NDST4: variants seen among roughly 807,000 people sequenced by gnomAD.
The protein encoded by NDST4 is N-heparan sulfate sulfotransferase 4.
A neutral mutation model predicts 100.8 loss-of-function variants in NDST4; 63 were observed. The observed-to-expected ratio is 0.62, with a 90% CI of 0.51 to 0.77. The LOEUF (loss-of-function observed/expected upper bound fraction) is 0.77, where lower values mean the gene tolerates loss of function less well. Ranked by LOEUF, NDST4 falls within the 30% of genes least tolerant of loss-of-function variation. The pLI, the probability that NDST4 is intolerant of heterozygous loss-of-function variation, is 0.00. For synonymous variants in NDST4, 377 were observed against 361.8 expected, an observed-to-expected ratio of 1.04 and a Z score of -0.48; for missense variants, 943 against 1,018.4, an observed-to-expected ratio of 0.93 and a Z score of 1.01.
intron 2 of NDST4, among the ~76,000 whole-genome samples, chr4:115,002,131 GTTC>G (rs1404288526): frequency 1.3e-5 from 2 of 152,168 alleles, no homozygotes; most frequent in Non-Finnish European, 2.9e-5. Flanking sequence ...GTGTAAAAGG[GTTC>G]TTATTTCTCC....
At chr4:114,949,419 A>G (rs1024685999) in intron 4 of NDST4, among the ~76,000 whole-genome samples, 1 of 152,066 alleles carries the variant, frequency 6.6e-6, no homozygotes, top group African/African-American at 2.4e-5. Flanking sequence ...CCCCAAAAAC[A>G]GTAAACTGAA....
intron 6 of NDST4, among the ~76,000 whole-genome samples, chr4:114,903,332 G>T (rs1239515059): frequency 2.6e-5 from 4 of 152,080 alleles, no homozygotes; most frequent in Admixed American, 1.3e-4. Context: ...ATAGCAGAGA[G>T]AATTATTTTT....
intron 4 of NDST4, among the ~76,000 whole-genome samples, chr4:114,953,706 A>G (rs559823660): frequency 6.6e-6 from 1 of 152,304 alleles, no homozygotes; most frequent in East Asian, 1.9e-4. Context: ...GAATAAAACA[A>G]TAAATAACTC....
chr4:114,933,432 C>CTTTTTTTTTTTTTTTTTCCTTT (rs1725555563), intron 6 of NDST4, among the ~76,000 whole-genome samples: 24 of 89,242 alleles, frequency 2.7e-4, no homozygotes, highest in Admixed American at 4.0e-4. Flanking sequence ...TTTTCTTTTC[C>CTTTTTTTTTTTTTTTTTCCTTT]TTTTTTTTTT....
chr4:114,945,501 A>G (rs1725843188), intron 4 of NDST4, among the ~76,000 whole-genome samples: 1 of 152,194 alleles, frequency 6.6e-6, no homozygotes, highest in African/African-American at 2.4e-5. Flanking sequence ...GTATTTGATA[A>G]ATAATTTTAA....
At chr4:114,834,513 CAAAA>C (rs869097688) in intron 11 of NDST4, among the ~76,000 whole-genome samples, 1 of 63,848 alleles carries the variant, frequency 1.6e-5, no homozygotes, top group African/African-American at 4.6e-5. Context: ...GACTCCATCT[CAAAA>C]AAAAAAAAAA....
intron 4 of NDST4, among the ~76,000 whole-genome samples, chr4:114,945,415 G>A (rs1725840769): frequency 6.6e-6 from 1 of 151,910 alleles, no homozygotes; most frequent in African/African-American, 2.4e-5. Flanking sequence ...CAGGAACTAT[G>A]GCTTGTAAAA....
At chr4:115,034,116 T>A (rs1212705887) in intron 2 of NDST4, among the ~76,000 whole-genome samples, 1 of 152,128 alleles carries the variant, frequency 6.6e-6, no homozygotes, top group Non-Finnish European at 1.5e-5. Flanking sequence ...CTCCTTCTTA[T>A]GGGGACCACA....
At chr4:114,839,264 G>T in intron 11 of NDST4, 114 bp downstream of exon 11, 1 of 941,956 alleles carries the variant, frequency 1.1e-6, no homozygotes, top group Non-Finnish European at 1.5e-6. Context: ...CTGCTTGTCA[G>T]TGCAATACAA....
At chr4:114,917,612 TA>T (rs1470193466) in intron 6 of NDST4, among the ~76,000 whole-genome samples, 3 of 151,922 alleles carry the variant, frequency 2.0e-5, no homozygotes, top group Non-Finnish European at 4.4e-5. Flanking sequence ...ACCCTGTCTC[TA>T]AAAAAATAAA....
At position 114,998,075 on chromosome 4, in the gene NDST4, ACTGGATTCCTATACTT is replaced by A. The variant is rs1282611094; in HGVS notation, c.979-20817_979-20802del. On this transcript the variant is annotated intron_variant, in intron 2 of 13. Coordinates refer to ENST00000264363, the MANE Select transcript of NDST4 (RefSeq NM_022569.3). ...GGCTAATGGAATCATTTTGCTTTAT[ACTGGATTCCTATACTT>A]AGAGGACCTAAGGATTAATCACTTC... 2.0e-5 allele frequency among the ~76,000 whole-genome samples: 3 copies of A among 152,154 alleles called. No individual in the cohort carries two copies. In the East Asian group the frequency reaches 5.8e-4, roughly 29 times the overall value.
In NDST4 at chr4:114,830,658, G is replaced by A. The variant is rs151294660; in HGVS notation, c.2397-766C>T. 2.1e-3 allele frequency among the ~76,000 whole-genome samples: 318 copies of A among 152,264 alleles called. 4 individuals are homozygous for A. Among genetic ancestry groups the A allele is most frequent in the Non-Finnish European group, 3.4e-4 (23 of 68,012 alleles). The stretch of plus-strand genomic sequence containing the variant: ...TTAGGACTAACAGGAGAGGAAAAAC[G>A]GAAGAATGAACCAAATAGGAAGGGA... On this transcript the variant is annotated intron_variant, in intron 12 of 13. Coordinates refer to ENST00000264363, the MANE Select transcript of NDST4 (RefSeq NM_022569.3).
rs191791610 is a variant in NDST4 at position 114,976,612 on chromosome 4, G to A, written c.1066+575C>T. On this transcript the variant is annotated intron_variant, in intron 3 of 13. Coordinates refer to ENST00000264363, the MANE Select transcript of NDST4 (RefSeq NM_022569.3). ...ATAAGTACAATTGTGGCTGGATAGAGATGGAAAGAAATACAAGTCTAATTG... is the reference window on the plus strand; with the variant it reads ...ATAAGTACAATTGTGGCTGGATAGAAATGGAAAGAAATACAAGTCTAATTG... 4.0e-3 allele frequency among the ~76,000 whole-genome samples: 602 copies of A among 152,046 alleles called. 1 individual carries two copies. The highest frequency in any genetic ancestry group is 6.5e-3 in the Non-Finnish European group (441 of 67,860).
At chr4:114,919,511 G>A (rs1023605995) in intron 6 of NDST4, among the ~76,000 whole-genome samples, 1 of 152,130 alleles carries the variant, frequency 6.6e-6, no homozygotes, top group Non-Finnish European at 1.5e-5. Flanking sequence ...AAGCCCTGAG[G>A]GACAAACAAT....
chr4:114,854,292 G>A (rs76829534), intron 7 of NDST4, among the ~76,000 whole-genome samples: 3,029 of 152,216 alleles, frequency 0.02, 131 homozygotes, highest in South Asian at 0.17. Context: ...CCATGGTGTT[G>A]AAAATGACAA....
At chr4:114,920,297 T>C (rs377632935) in intron 6 of NDST4, among the ~76,000 whole-genome samples, 1 of 152,132 alleles carries the variant, frequency 6.6e-6, no homozygotes, top group Non-Finnish European at 1.5e-5. Context: ...TCTCAGGCCA[T>C]GTAGGAAGCT....
At chr4:114,999,166 T>A (rs1298200208) in intron 2 of NDST4, among the ~76,000 whole-genome samples, 1 of 152,090 alleles carries the variant, frequency 6.6e-6, no homozygotes, top group Non-Finnish European at 1.5e-5. Flanking sequence ...TTTAATTAGT[T>A]GTGCGTTTTT....
chr4:114,927,303 A>G (rs1015272032), intron 6 of NDST4, among the ~76,000 whole-genome samples: 16 of 151,896 alleles, frequency 1.1e-4, no homozygotes, highest in African/African-American at 2.7e-4. Flanking sequence ...GAAATCACGT[A>G]TTCTTAGTAC....
chr4:115,007,786 A>G lies in NDST4; in HGVS notation c.979-30512T>C, dbSNP rs1484536130. ...TTCTGGAATATGTTCAGCAGGTCCA[A>G]GCATTTCCCTTTGCTTCTCTGAAAG... is the stretch of plus-strand genomic sequence containing the variant. On this transcript the variant is annotated intron_variant, in intron 2 of 13. Transcript: ENST00000264363. Among the ~76,000 whole-genome samples the G allele has an allele frequency of 1.5e-5, 2 of 129,578 alleles. 1 individual carries two copies. The highest frequency in any genetic ancestry group is 5.8e-5 in the African/African-American group (2 of 34,290). 85.0% of individuals were successfully genotyped at this position (129,578 alleles called of 152,430 possible).
Sources: gnomAD v4.1 joint callset for allele counts (sites outside exome capture counted in the v4.1 genomes callset) on GRCh38, gnomAD v4.1.1 for gene constraint, MANE v1.5 for transcripts, NCBI Gene and HGNC (gene_info 2026-07-23, HGNC 2026-07-21) for gene names.